Variants in MATCAP1 observed in about 807,000 individuals in gnomAD.
MATCAP1 encodes microtubule-associated tyrosine carboxypeptidase 1.
chr16:67,178,101 AAAC>A, the MATCAP1 span: 1 of 1,613,414 alleles, frequency 6.2e-7, no homozygotes, highest in Non-Finnish European at 8.5e-7. Flanking sequence ...GTCCTTGCTG[AAAC>A]AACCTGGGAG....
chr16:67,176,664 T>C, the MATCAP1 span: 1 of 712,722 alleles, frequency 1.4e-6, no homozygotes, highest in Non-Finnish European at 2.1e-6. The surrounding 1 kb of genome is among the most constrained non-coding windows in gnomAD (Gnocchi z 4.3). Context: ...ACTTTGATGT[T>C]GCCACTCCTC....
the MATCAP1 span, chr16:67,179,220 G>A: frequency 7.2e-7 from 1 of 1,396,986 alleles, no homozygotes; most frequent in Non-Finnish European, 9.3e-7. This position sits in a 1 kb window ranked among gnomAD's most constrained non-coding sequence, Gnocchi z 5.2. Context: ...ACCAAGAGAT[G>A]AGAGCGAGCC....
chr16:67,178,698 C>A, the MATCAP1 span: 10 of 707,230 alleles, frequency 1.4e-5, no homozygotes, highest in South Asian at 3.0e-5. Context: ...TGGACTCGCA[C>A]CCAAGGATCC....
chr16:67,181,397 G>A, the MATCAP1 span, among the ~76,000 whole-genome samples: 1 of 152,178 alleles, frequency 6.6e-6, no homozygotes, highest in African/African-American at 2.4e-5. Context: ...ATTAGAATCT[G>A]CTTTTGGGAA....
chr16:67,180,173 G>T, the MATCAP1 span: 200 of 1,614,090 alleles, frequency 1.2e-4, 1 homozygote, highest in Admixed American at 6.7e-5. Context: ...GGTCCATGTT[G>T]GTTGGCCGCA....
chr16:67,182,109 C>A, the MATCAP1 span, among the ~76,000 whole-genome samples: 1 of 152,232 alleles, frequency 6.6e-6, no homozygotes, highest in East Asian at 1.9e-4. Flanking sequence ...ATTAGCTGGG[C>A]GTGGTGGCAC....
the MATCAP1 span, chr16:67,179,184 G>A: frequency 7.5e-7 from 1 of 1,335,712 alleles, no homozygotes; most frequent in Non-Finnish European, 9.6e-7. This position sits in a 1 kb window ranked among gnomAD's most constrained non-coding sequence, Gnocchi z 5.2. Flanking sequence ...GAGAGGAAGT[G>A]GAGAGAGAAA....
chr16:67,182,870 C>T, the MATCAP1 span, among the ~76,000 whole-genome samples: 42 of 152,164 alleles, frequency 2.8e-4, no homozygotes, highest in African/African-American at 9.9e-4. Flanking sequence ...TAGCAGTCAT[C>T]ACCATCTGGA....
chr16:67,179,620 A>G, the MATCAP1 span: 5 of 1,538,728 alleles, frequency 3.2e-6, no homozygotes, highest in East Asian at 2.3e-5. This position sits in a 1 kb window ranked among gnomAD's most constrained non-coding sequence, Gnocchi z 5.2. Flanking sequence ...GTGCAGGTGG[A>G]CCCAATGATG....
At chr16:67,178,807 C>T in the MATCAP1 span, 2 of 654,806 alleles carry the variant, frequency 3.1e-6, no homozygotes, top group Non-Finnish European at 5.6e-6. Flanking sequence ...ACTGACATTG[C>T]CCCCAGCCCT....
chr16:67,178,471 C>A, the MATCAP1 span: 24 of 1,531,834 alleles, frequency 1.6e-5, no homozygotes, highest in Non-Finnish European at 2.0e-5. Context: ...CCACGGCTGG[C>A]GCGCGTTGTT....
the MATCAP1 span, chr16:67,179,479 C>A: frequency 6.2e-7 from 1 of 1,612,674 alleles, no homozygotes; most frequent in African/African-American, 1.3e-5. The surrounding 1 kb of genome is among the most constrained non-coding windows in gnomAD (Gnocchi z 5.2). Flanking sequence ...GGGCTCCGGT[C>A]AGGTTGATCG....
At chr16:67,176,054 AGTGTGTGTGTGTGTGTGTGTGTGTGT>A in the MATCAP1 span, 752 of 71,598 alleles carry the variant, frequency 0.011, 9 homozygotes, top group South Asian at 0.048. This position sits in a 1 kb window ranked among gnomAD's most constrained non-coding sequence, Gnocchi z 4.3. Flanking sequence ...GGCCTGAATC[AGTGTGTGTGTGTGTGTGTGTGTGTGT>A]GTGTGTGTGT....
the MATCAP1 span, chr16:67,175,762 G>A: frequency 2.0e-5 from 3 of 152,254 alleles, no homozygotes; most frequent in Non-Finnish European, 4.4e-5. Flanking sequence ...TTTACAGATG[G>A]GAAAACTAAG....
the MATCAP1 span, chr16:67,180,661 C>G: frequency 2.5e-5 from 34 of 1,364,378 alleles, no homozygotes; most frequent in South Asian, 4.4e-4. Flanking sequence ...CCCACACTGT[C>G]GACCTCTGGG....
the MATCAP1 span, chr16:67,178,695 G>A: frequency 1.4e-6 from 1 of 708,342 alleles, no homozygotes; most frequent in African/African-American, 1.7e-5. Context: ...CTGTGGACTC[G>A]CACCCAAGGA....
At chr16:67,177,786 C>T in the MATCAP1 span, among the ~76,000 whole-genome samples, 2 of 152,350 alleles carry the variant, frequency 1.3e-5, no homozygotes, top group East Asian at 1.9e-4. Context: ...CTGGAATGCT[C>T]ATCTCCTTTG....
chr16:67,182,123 C>T, the MATCAP1 span, among the ~76,000 whole-genome samples: 1 of 152,186 alleles, frequency 6.6e-6, no homozygotes, highest in Non-Finnish European at 1.5e-5. Context: ...GTGGCACATG[C>T]CTGTAACCCC....
chr16:67,180,464 C>G, the MATCAP1 span: 1 of 1,606,944 alleles, frequency 6.2e-7, no homozygotes, highest in East Asian at 2.2e-5. Context: ...CTGCCAGAGC[C>G]AGGGGCAAGG....
Sources: gnomAD v4.1 joint callset for allele counts (sites outside exome capture counted in the v4.1 genomes callset) on GRCh38, gnomAD v4.1.1 for gene constraint, Gnocchi (gnomAD v3.1) non-coding constraint, MANE v1.5 for transcripts, NCBI Gene and HGNC (gene_info 2026-07-23, HGNC 2026-07-21) for gene names.